LGR6: variants seen among roughly 807,000 people sequenced by gnomAD.
LGR6 encodes leucine-rich repeat-containing G protein-coupled receptor 6.
LGR6 carries 45 observed loss-of-function variants against 69.4 expected under a neutral mutation model. The ratio of observed to expected loss-of-function variants is 0.65; its 90% CI spans 0.51 to 0.83. LGR6 has a LOEUF of 0.83. LGR6 is among the 40% of genes least tolerant of loss of function. The pLI is 0.00. For missense variants in LGR6, 1,108 were observed against 1,246.7 expected (o/e 0.89, Z 1.68); for synonymous variants, 538 against 555.0 (o/e 0.97, Z 0.43).
chr1:202,307,734 A>G (rs772797888), intron 14 of LGR6, among the ~76,000 whole-genome samples: 1 of 152,106 alleles, frequency 6.6e-6, no homozygotes, highest in Non-Finnish European at 1.5e-5. Context: ...CCCTTCACAC[A>G]TAGGAGGGTG....
At position 202,247,675 on chromosome 1, in the gene LGR6, C is replaced by T. The variant is rs1195966307; in HGVS notation, c.428+11682C>T. On this transcript the variant is annotated intron_variant, in intron 4 of 17. Transcript: ENST00000367278. ...GGGAAGAACATCCTAGCTGTCTATA[C>T]CACACAAAGGGGAAAAGGCTAGAGT... Among the ~76,000 whole-genome samples, 4 of 152,276 alleles carry T rather than the reference C, an allele frequency of 2.6e-5. 1 individual carries two copies. Among genetic ancestry groups the T allele is most frequent in the Admixed American group, 2.6e-4 (4 of 15,298 alleles).
chr1:202,295,870 AGTGT>A (rs10522809), intron 6 of LGR6, among the ~76,000 whole-genome samples: 11,075 of 143,826 alleles, frequency 0.077, 469 homozygotes, highest in Middle Eastern at 0.17. Flanking sequence ...TTGGGTAATT[AGTGT>A]GTGTGTGTGT....
At chr1:202,255,115 A>T (rs1663656246) in intron 4 of LGR6, among the ~76,000 whole-genome samples, 1 of 152,190 alleles carries the variant, frequency 6.6e-6, no homozygotes, top group Admixed American at 6.5e-5. Flanking sequence ...TGTGTAGGAG[A>T]TAAATCTGCA....
At position 202,268,445 on chromosome 1, in the gene LGR6, C is replaced by A. The variant is rs932700697; in HGVS notation, c.429-7861C>A. On this transcript the variant is annotated intron_variant, in intron 4 of 17. Transcript: ENST00000367278. The surrounding 1 kb of genome is among the most constrained non-coding windows in gnomAD (Gnocchi z 4.4). ...ATTTTCCCCACAGAATAACCATTTC[C>A]ATAGTGGCTGCTTTTTTTTTTTTTA... Among the ~76,000 whole-genome samples, 1 of 152,082 alleles carries A rather than the reference C, an allele frequency of 6.6e-6. No homozygotes were observed. The highest frequency in any genetic ancestry group is 2.4e-5 in the African/African-American group (1 of 41,426).
chr1:202,302,615 C>G (rs1667684838), intron 9 of LGR6, among the ~76,000 whole-genome samples: 1 of 152,114 alleles, frequency 6.6e-6, no homozygotes, highest in South Asian at 2.1e-4. Context: ...AGCGCAGTCT[C>G]AGCTCACTGC....
At chr1:202,254,172 T>C (rs1663558596) in intron 4 of LGR6, among the ~76,000 whole-genome samples, 1 of 152,116 alleles carries the variant, frequency 6.6e-6, no homozygotes, top group Admixed American at 6.5e-5. Context: ...GGTCTCCATC[T>C]CCTGGCCTAG....
chr1:202,284,140 C>G (rs114287689), intron 6 of LGR6, among the ~76,000 whole-genome samples: 10 of 152,344 alleles, frequency 6.6e-5, no homozygotes, highest in South Asian at 4.1e-4. Flanking sequence ...CGCCCCACCC[C>G]CTTCCTACAG....
chr1:202,246,986 T>C (rs1475654856), intron 4 of LGR6, among the ~76,000 whole-genome samples: 1 of 152,228 alleles, frequency 6.6e-6, no homozygotes, highest in African/African-American at 2.4e-5. Context: ...TAGCCATGAC[T>C]TTAGACTGTG....
intron 1 of LGR6, among the ~76,000 whole-genome samples, chr1:202,205,171 TTCCTTC>T (rs1659101843): frequency 3.9e-4 from 1 of 2,566 alleles, no homozygotes. Context: ...TAACACACAC[TTCCTTC>T]AAACACACAC....
rs188590750 is a variant in LGR6 at position 202,211,175 on chromosome 1, G to A, written c.213-14248G>A. On this transcript the variant is annotated intron_variant, in intron 1 of 17. Coordinates refer to ENST00000367278, the MANE Select transcript of LGR6 (RefSeq NM_001017403.2). ...CCAGCAAATCTCAAGTGTTTATTGA[G>A]CATCTACTATGTGCCAGAGCCTGGG... Among the ~76,000 whole-genome samples the A allele has an allele frequency of 7.2e-5, 11 of 152,314 alleles. No individual in the cohort carries two copies. In the East Asian group the frequency reaches 2.1e-3, roughly 29 times the overall value.
chr1:202,240,125 C>T (rs539098641), intron 4 of LGR6, among the ~76,000 whole-genome samples: 1 of 152,238 alleles, frequency 6.6e-6, no homozygotes, highest in Admixed American at 6.5e-5. Flanking sequence ...GTAATCCCAG[C>T]CCTTTGGGAG....
chr1:202,207,374 G>C (rs1659291990), intron 1 of LGR6, among the ~76,000 whole-genome samples: 1 of 152,198 alleles, frequency 6.6e-6, no homozygotes, highest in South Asian at 2.1e-4. Context: ...AGGGGAGACT[G>C]AGCAACCTTG....
chr1:202,198,791 G>A (rs1460571829), intron 1 of LGR6, among the ~76,000 whole-genome samples: 1 of 151,850 alleles, frequency 6.6e-6, no homozygotes, highest in Non-Finnish European at 1.5e-5. Context: ...CCCCTGCAGG[G>A]GCTACAGATG....
chr1:202,198,919 C>G (rs1383573503), intron 1 of LGR6, among the ~76,000 whole-genome samples: 4 of 151,900 alleles, frequency 2.6e-5, no homozygotes, highest in African/African-American at 9.7e-5. Flanking sequence ...CCAAGGCCAC[C>G]CTTCCCTGGC....
intron 4 of LGR6, among the ~76,000 whole-genome samples, chr1:202,263,146 A>G (rs1025141839): frequency 6.6e-6 from 1 of 152,006 alleles, no homozygotes; most frequent in African/African-American, 2.4e-5. Context: ...TTTCTGAGAC[A>G]GGGTCTCACT....
At chr1:202,205,390 T>C (rs1571809382) in intron 1 of LGR6, among the ~76,000 whole-genome samples, 1 of 494 alleles carries the variant, frequency 2.0e-3, no homozygotes, top group Non-Finnish European at 4.8e-3. Context: ...CTCACACACC[T>C]CCTTCAAACA....
chr1:202,300,459 G>C (rs990371555), intron 7 of LGR6, among the ~76,000 whole-genome samples: 3 of 152,128 alleles, frequency 2.0e-5, no homozygotes, highest in Admixed American at 6.5e-5. Context: ...TTCTAGACTA[G>C]CCTGGGCAAC....
intron 1 of LGR6, among the ~76,000 whole-genome samples, chr1:202,201,910 T>G (rs1253015044): frequency 6.6e-6 from 1 of 152,174 alleles, no homozygotes; most frequent in Non-Finnish European, 1.5e-5. Flanking sequence ...ACCTACTGTC[T>G]GCTGGATCCT....
At chr1:202,244,104 C>T (rs540011999) in intron 4 of LGR6, among the ~76,000 whole-genome samples, 7 of 152,162 alleles carry the variant, frequency 4.6e-5, no homozygotes, top group East Asian at 1.9e-4. Flanking sequence ...ACTATAGGTG[C>T]GTTCCACCAT....
Sources: allele counts gnomAD v4.1 joint callset (sites outside exome capture counted in the v4.1 genomes callset), GRCh38; gene constraint gnomAD v4.1.1; non-coding constraint Gnocchi (gnomAD v3.1); transcripts MANE v1.5; gene names NCBI Gene and HGNC (gene_info 2026-07-23, HGNC 2026-07-21).